Variants in USP13 observed in about 807,000 individuals in gnomAD.
USP13 encodes the protein ubiquitin specific peptidase 13, also known as ubiquitin carboxyl-terminal hydrolase 13.
Under a neutral mutation model 107.8 loss-of-function variants are expected in USP13, and 68 were observed. That is an observed-to-expected ratio of 0.63 (90% confidence interval 0.52 to 0.77). The LOEUF is 0.77. Ranked by LOEUF, USP13 falls within the 30% of genes least tolerant of loss-of-function variation. USP13 has a pLI of 0.00. For synonymous variants in USP13, 377 were observed against 389.5 expected (o/e 0.97, Z 0.38); for missense variants, 945 against 1,093.3 (o/e 0.86, Z 1.91).
chr3:179,740,695 T>C (rs1714161532), intron 11 of USP13, among the ~76,000 whole-genome samples: 1 of 152,150 alleles, frequency 6.6e-6, no homozygotes, highest in Admixed American at 6.5e-5. Flanking sequence ...GAGCCCTGCG[T>C]GGTATTTGGT....
At chr3:179,702,982 T>TA (rs903857970) in intron 4 of USP13, among the ~76,000 whole-genome samples, 3 of 152,130 alleles carry the variant, frequency 2.0e-5, no homozygotes, top group African/African-American at 4.8e-5. Flanking sequence ...GTCTTTATGT[T>TA]AAAAAAATTA....
At chr3:179,672,707 C>A (rs1720785127) in intron 1 of USP13, among the ~76,000 whole-genome samples, 1 of 152,132 alleles carries the variant, frequency 6.6e-6, no homozygotes, top group Non-Finnish European at 1.5e-5. Context: ...AGCCTCTGAA[C>A]CCGGCCAGTG....
chr3:179,655,173 G>C (rs915912009), intron 1 of USP13, among the ~76,000 whole-genome samples: 2 of 152,174 alleles, frequency 1.3e-5, no homozygotes, highest in Non-Finnish European at 2.9e-5. Context: ...GCACAACATG[G>C]AAAGTGGGTC....
intron 8 of USP13, among the ~76,000 whole-genome samples, chr3:179,722,897 TTCC>T (rs2108496060): frequency 6.6e-6 from 1 of 152,294 alleles, no homozygotes; most frequent in African/African-American, 2.4e-5. Context: ...CAAGACTGCC[TTCC>T]TCCTCCTACA....
At chr3:179,746,454 C>T (rs747579971) in intron 13 of USP13, among the ~76,000 whole-genome samples, 5 of 147,688 alleles carry the variant, frequency 3.4e-5, no homozygotes, top group African/African-American at 5.0e-5. Flanking sequence ...TTTTTTGAGA[C>T]GGAGTTTTGC....
chr3:179,728,294 C>T (rs1468433877), intron 8 of USP13, among the ~76,000 whole-genome samples: 2 of 150,108 alleles, frequency 1.3e-5, no homozygotes, highest in African/African-American at 2.4e-5. Context: ...AGGGTCTCCT[C>T]ACTTCTCAGA....
chr3:179,655,587 T>C (rs1720234877), intron 1 of USP13, among the ~76,000 whole-genome samples: 2 of 146,658 alleles, frequency 1.4e-5, no homozygotes, highest in African/African-American at 5.1e-5. Flanking sequence ...TGAGTTTTGC[T>C]CTTGTTGCCC....
chr3:179,660,699 T>A (rs371215464), intron 1 of USP13, among the ~76,000 whole-genome samples: 5 of 152,208 alleles, frequency 3.3e-5, no homozygotes, highest in African/African-American at 1.2e-4. Flanking sequence ...TGTTTACTTG[T>A]AGGGAGAAAA....
intron 10 of USP13, among the ~76,000 whole-genome samples, chr3:179,733,593 G>C (rs1386814409): frequency 6.6e-6 from 1 of 152,184 alleles, no homozygotes. Context: ...TCTGGTGTTT[G>C]TGACTTATAG....
chr3:179,746,646 G>A (rs1029534270), intron 13 of USP13, among the ~76,000 whole-genome samples: 1 of 152,094 alleles, frequency 6.6e-6, no homozygotes, highest in East Asian at 1.9e-4. Context: ...TGGTCAGGCT[G>A]GTCTCGAACT....
intron 6 of USP13, 95 bp from the exon 7 acceptor site, chr3:179,719,845 C>T: frequency 2.0e-6 from 2 of 990,084 alleles, no homozygotes; most frequent in Admixed American, 2.3e-5. Flanking sequence ...TGATATAGCC[C>T]AAGCCTGGTG....
chr3:179,701,327 G>A (rs978580731), intron 4 of USP13, among the ~76,000 whole-genome samples, 198 bp downstream of exon 4: 1 of 152,166 alleles, frequency 6.6e-6, no homozygotes, highest in Non-Finnish European at 1.5e-5. Context: ...CATTTCAGTA[G>A]TGCTGGGCCT....
At chr3:179,755,694 C>G (rs187562969) in intron 15 of USP13, among the ~76,000 whole-genome samples, 1 of 152,356 alleles carries the variant, frequency 6.6e-6, no homozygotes, top group Admixed American at 6.5e-5. Flanking sequence ...TAACTATTAG[C>G]TCAGTTATCC....
intron 2 of USP13, among the ~76,000 whole-genome samples, chr3:179,688,851 G>T (rs534212603): frequency 1.3e-5 from 2 of 152,238 alleles, no homozygotes; most frequent in Non-Finnish European, 2.9e-5. Flanking sequence ...TAAGTGGAAA[G>T]GGGGAAGAAA....
intron 16 of USP13, among the ~76,000 whole-genome samples, chr3:179,760,472 A>G (rs1271885056): frequency 6.6e-6 from 1 of 151,816 alleles, no homozygotes; most frequent in Non-Finnish European, 1.5e-5. Context: ...TTTAGTAGAG[A>G]CGGGGTTTCA....
chr3:179,749,412 C>A (rs1053240152), intron 13 of USP13, among the ~76,000 whole-genome samples: 10 of 152,098 alleles, frequency 6.6e-5, no homozygotes, highest in Non-Finnish European at 1.0e-4. Context: ...TAAAACATAT[C>A]ATTTTTCAAG....
intron 3 of USP13, among the ~76,000 whole-genome samples, chr3:179,694,911 G>A (rs1300894301): frequency 6.6e-6 from 1 of 151,878 alleles, no homozygotes; most frequent in Non-Finnish European, 1.5e-5. Context: ...TTCTCATAGA[G>A]CCCCCAATCA....
intron 5 of USP13, 117 bp from the exon 6 acceptor site, chr3:179,708,656 C>T (rs895024879): frequency 1.6e-6 from 2 of 1,274,312 alleles, no homozygotes; most frequent in African/African-American, 1.5e-5. Context: ...GCATCAGTCT[C>T]TGTTATTCCA....
chr3:179,741,604 G>T (rs1047482037), intron 11 of USP13, among the ~76,000 whole-genome samples: 1 of 152,076 alleles, frequency 6.6e-6, no homozygotes, highest in Non-Finnish European at 1.5e-5. Context: ...TGATCCACCC[G>T]CCTCCGCCTC....
Sources: allele counts gnomAD v4.1 joint callset (sites outside exome capture counted in the v4.1 genomes callset), GRCh38; gene constraint gnomAD v4.1.1; transcripts MANE v1.5; gene names NCBI Gene and HGNC (gene_info 2026-07-23, HGNC 2026-07-21).